The following RBFOX3 variants were observed in gnomAD, a reference collection of about 807,000 sequenced individuals.
RBFOX3 encodes the protein RNA binding protein fox-1 homolog 3.
RBFOX3 carries 17 observed loss-of-function variants against 48.7 expected under a neutral mutation model. The ratio of observed to expected loss-of-function variants is 0.35; its 90% CI spans 0.24 to 0.52. The LOEUF (loss-of-function observed/expected upper bound fraction) is 0.52. Ranked by LOEUF, RBFOX3 falls within the 20% of genes least tolerant of loss-of-function variation. The pLI is 0.94. For missense variants in RBFOX3, 382 were observed against 497.5 expected (o/e 0.77, Z 2.21); for synonymous variants, 212 against 209.5 (o/e 1.01, Z -0.10).
chr17:79,620,549 G>A, the RBFOX3 span, among the ~76,000 whole-genome samples: 7 of 137,816 alleles, frequency 5.1e-5, no homozygotes, highest in African/African-American at 2.0e-4. Flanking sequence ...ACACACGCAT[G>A]CACACATGTG....
At chr17:79,616,582 A>AACACACACACAC in the RBFOX3 span, among the ~76,000 whole-genome samples, 296 of 145,738 alleles carry the variant, frequency 2.0e-3, 1 homozygote, top group Admixed American at 0.012. Flanking sequence ...TCTCTATACA[A>AACACACACACAC]ACACACACAC....
intron 4 of RBFOX3, among the ~76,000 whole-genome samples, chr17:79,166,474 A>G (rs200890175): frequency 6.6e-6 from 1 of 151,808 alleles, no homozygotes; most frequent in East Asian, 2.0e-4. Context: ...CCACAGATGA[A>G]GGGGAGTCCA....
At chr17:79,312,709 A>G (rs549391236) in intron 2 of RBFOX3, among the ~76,000 whole-genome samples, 60 of 152,308 alleles carry the variant, frequency 3.9e-4, no homozygotes, top group Non-Finnish European at 7.4e-4. Flanking sequence ...GCACATAAAA[A>G]GACCTCAGGG....
chr17:79,479,085 G>A lies in RBFOX3; in HGVS notation c.-175+3369C>T, dbSNP rs2078397542. Among the ~76,000 whole-genome samples the A allele has an allele frequency of 6.6e-6, 1 of 152,166 alleles. No individual in the cohort carries two copies. Among genetic ancestry groups the A allele is most frequent in the African/African-American group, 2.4e-5 (1 of 41,442 alleles). On this transcript the variant is annotated intron_variant, in intron 2 of 14. Coordinates refer to ENST00000693108, the MANE Select transcript of RBFOX3 (RefSeq NM_001350451.2). The surrounding 1 kb of genome is among the most constrained non-coding windows in gnomAD (Gnocchi z 5.1). ...CAGAAAGGCCAGCCCGCCTCACTGGGGCAAAAGCTCCTGCAGGCTTTTCCC... is the reference window on the plus strand; with the variant it reads ...CAGAAAGGCCAGCCCGCCTCACTGGAGCAAAAGCTCCTGCAGGCTTTTCCC...
intron 4 of RBFOX3, among the ~76,000 whole-genome samples, chr17:79,171,651 T>TACAG (rs1555729667): frequency 6.6e-6 from 1 of 150,382 alleles, no homozygotes; most frequent in Non-Finnish European, 1.5e-5. Context: ...AAAAAAAAAA[T>TACAG]AGATCTTGCC....
chr17:79,622,571 A>G, the RBFOX3 span, among the ~76,000 whole-genome samples: 13 of 152,348 alleles, frequency 8.5e-5, no homozygotes, highest in Middle Eastern at 3.4e-3. Flanking sequence ...AGATGTCAGC[A>G]GGACGGCTTC....
At position 79,471,705 on chromosome 17, in the gene RBFOX3, G is replaced by A. The variant is rs943522053; in HGVS notation, c.-175+10749C>T. 6.6e-6 allele frequency among the ~76,000 whole-genome samples: 1 copy of A among 152,190 alleles called. No homozygotes were observed. Among genetic ancestry groups the A allele is most frequent in the Admixed American group, 6.5e-5 (1 of 15,286 alleles). On this transcript the variant is annotated intron_variant, in intron 2 of 14. Transcript: ENST00000693108. This position sits in a 1 kb window ranked among gnomAD's most constrained non-coding sequence, Gnocchi z 4.0. Reference sequence around the variant, plus strand: ...AAGAAAGGACTCTGAACGTTGTCAGGTGAGTAGCACTGCCTGTGTCCCCAT... The same window carrying A: ...AAGAAAGGACTCTGAACGTTGTCAGATGAGTAGCACTGCCTGTGTCCCCAT...
chr17:79,389,865 G>C (rs891443072), intron 2 of RBFOX3, among the ~76,000 whole-genome samples: 4 of 152,218 alleles, frequency 2.6e-5, no homozygotes, highest in Non-Finnish European at 5.9e-5. Context: ...GATACTGCAG[G>C]GCTGGAGACT....
chr17:79,409,491 C>G (rs1055074533), intron 2 of RBFOX3, among the ~76,000 whole-genome samples: 6 of 152,244 alleles, frequency 3.9e-5, no homozygotes, highest in Admixed American at 6.5e-5. Context: ...TTTCCACATC[C>G]TCACCAACAC....
At chr17:79,413,619 T>C (rs2064838718) in intron 2 of RBFOX3, among the ~76,000 whole-genome samples, 1 of 152,214 alleles carries the variant, frequency 6.6e-6, no homozygotes, top group African/African-American at 2.4e-5. Context: ...AAGGAGGCTC[T>C]GGGCACAGGC....
At chr17:79,095,059 T>G (rs1274858241) in intron 13 of RBFOX3, among the ~76,000 whole-genome samples, 3 of 151,980 alleles carry the variant, frequency 2.0e-5, no homozygotes, top group African/African-American at 7.2e-5. Flanking sequence ...TACACCACAC[T>G]TCAGGGAGAT....
At chr17:79,164,825 A>G (rs4458032) in intron 4 of RBFOX3, among the ~76,000 whole-genome samples, 144,946 of 152,262 alleles carry the variant, frequency 0.95, 69,106 homozygotes, top group East Asian at 1. Flanking sequence ...GGGGAGCCAA[A>G]CTGCAGAAAA....
chr17:79,272,074 G>A (rs989152083), intron 3 of RBFOX3, among the ~76,000 whole-genome samples: 2 of 152,260 alleles, frequency 1.3e-5, no homozygotes, highest in Non-Finnish European at 2.9e-5. Context: ...GAGAGACGAC[G>A]GAAACTTGTG....
At chr17:79,289,590 G>GAT (rs2072806188) in intron 3 of RBFOX3, among the ~76,000 whole-genome samples, 1 of 152,212 alleles carries the variant, frequency 6.6e-6, no homozygotes, top group African/African-American at 2.4e-5. Flanking sequence ...GCTTTTTCCA[G>GAT]ACACGATGTT....
At chr17:79,141,301 C>G (rs1055740022) in intron 4 of RBFOX3, among the ~76,000 whole-genome samples, 1 of 152,166 alleles carries the variant, frequency 6.6e-6, no homozygotes, top group African/African-American at 2.4e-5. Context: ...TGCTTATGAG[C>G]AGGACACTGT....
the RBFOX3 span, among the ~76,000 whole-genome samples, chr17:79,653,981 GTTGT>G: frequency 4.6e-5 from 7 of 151,030 alleles, no homozygotes; most frequent in Admixed American, 4.6e-4. Flanking sequence ...ATTCATACAA[GTTGT>G]TTGGTTTGTC....
rs1012076306 is a variant in RBFOX3, at chr17:79,311,677, C to T, written c.-174-3853G>A. On this transcript the variant is annotated intron_variant, in intron 2 of 14. Coordinates refer to ENST00000693108, the MANE Select transcript of RBFOX3 (RefSeq NM_001350451.2). This position sits in a 1 kb window ranked among gnomAD's most constrained non-coding sequence, Gnocchi z 4.2. ...CTGAGTCAGGCCCTCTGGGGTCTCT[C>T]GCAGGTTGGGCTCCTGGAGCTGACT... Among the ~76,000 whole-genome samples the T allele has an allele frequency of 7.2e-5, 11 of 152,120 alleles. No individual in the cohort carries two copies. Among genetic ancestry groups the T allele is most frequent in the South Asian group, 2.1e-4 (1 of 4,816 alleles).
intron 2 of RBFOX3, among the ~76,000 whole-genome samples, chr17:79,444,958 C>G (rs1454909699): frequency 6.6e-6 from 1 of 152,050 alleles, no homozygotes; most frequent in Non-Finnish European, 1.5e-5. Flanking sequence ...CACAGGCAAC[C>G]ACAGATTTTT....
At chr17:79,131,168 T>C (rs538949055) in intron 4 of RBFOX3, among the ~76,000 whole-genome samples, 4 of 151,876 alleles carry the variant, frequency 2.6e-5, no homozygotes, top group Non-Finnish European at 5.9e-5. Flanking sequence ...GTGTGAGCCA[T>C]GTGCTGCGTG....
Sources: gnomAD v4.1 joint callset for allele counts (sites outside exome capture counted in the v4.1 genomes callset) on GRCh38, gnomAD v4.1.1 for gene constraint, Gnocchi (gnomAD v3.1) non-coding constraint, MANE v1.5 for transcripts, NCBI Gene and HGNC (gene_info 2026-07-23, HGNC 2026-07-21) for gene names.